Variants in CELF2 observed in about 807,000 individuals in gnomAD.
CELF2 encodes CUG triplet repeat RNA-binding protein 2.
In CELF2, 8 loss-of-function variants were observed where a neutral mutation model predicts 62.6. The ratio of observed to expected loss-of-function variants is 0.13; its 90% CI spans 0.07 to 0.23. The LOEUF (loss-of-function observed/expected upper bound fraction) is 0.23, where lower values mean the gene tolerates loss of function less well. CELF2 is among the 10% of genes least tolerant of loss of function. The pLI is 1.00. For missense variants in CELF2, 333 were observed against 671.0 expected (o/e 0.50, Z 5.56); for synonymous variants, 258 against 250.0 (o/e 1.03, Z -0.30).
intron 2 of CELF2, among the ~76,000 whole-genome samples, chr10:11,193,698 C>G (rs796509037): frequency 6.6e-6 from 1 of 152,110 alleles, no homozygotes; most frequent in South Asian, 2.1e-4. Flanking sequence ...ATATAGGTTT[C>G]GTAGTGAGAA....
chr10:10,962,664 T>G (rs1304828224), intron 2 of CELF2, among the ~76,000 whole-genome samples: 2 of 152,158 alleles, frequency 1.3e-5, no homozygotes, highest in African/African-American at 4.8e-5. Flanking sequence ...GTCTGAAGCT[T>G]CAGTGAGCCA....
the CELF2 span, among the ~76,000 whole-genome samples, chr10:10,581,741 T>C: frequency 6.6e-6 from 1 of 152,006 alleles, no homozygotes; most frequent in Non-Finnish European, 1.5e-5. Flanking sequence ...ATTAAAAGGG[T>C]CACATAGGCC....
chr10:10,875,597 C>G (rs2061034494), intron 1 of CELF2, among the ~76,000 whole-genome samples: 1 of 152,196 alleles, frequency 6.6e-6, no homozygotes, highest in South Asian at 2.1e-4. Flanking sequence ...CCTCTTCCCT[C>G]TTTCTTACTA....
chr10:10,821,634 C>T (rs1183269856), intron 1 of CELF2, among the ~76,000 whole-genome samples: 1 of 152,112 alleles, frequency 6.6e-6, no homozygotes, highest in African/African-American at 2.4e-5. Context: ...ACAGTTGCTG[C>T]AGGGGTTTCC....
At chr10:11,225,405 A>G (rs923983879) in intron 3 of CELF2, among the ~76,000 whole-genome samples, 8 of 152,264 alleles carry the variant, frequency 5.3e-5, no homozygotes, top group East Asian at 1.9e-4. Context: ...GCCCTTTCCA[A>G]TCTTGCAAAA....
intron 2 of CELF2, among the ~76,000 whole-genome samples, chr10:11,210,579 A>C (rs2061554735): frequency 6.6e-6 from 1 of 152,224 alleles, no homozygotes; most frequent in Non-Finnish European, 1.5e-5. Context: ...GTATCAGAAA[A>C]AGAATTAGCA....
At chr10:10,742,687 G>A in the CELF2 span, among the ~76,000 whole-genome samples, 4 of 151,722 alleles carry the variant, frequency 2.6e-5, no homozygotes, top group African/African-American at 9.7e-5. Context: ...ACTTGAAATT[G>A]TTAGAGATAA....
At chr10:10,539,918 C>T in the CELF2 span, among the ~76,000 whole-genome samples, 35 of 152,238 alleles carry the variant, frequency 2.3e-4, no homozygotes, top group African/African-American at 7.9e-4. Context: ...TTTCTTTTTC[C>T]CTTGGGTGCT....
chr10:10,702,882 C>A, the CELF2 span, among the ~76,000 whole-genome samples: 2 of 152,222 alleles, frequency 1.3e-5, no homozygotes, highest in South Asian at 2.1e-4. Context: ...TCGTGCCCAA[C>A]CCCTTTTTAA....
chr10:10,558,749 G>A, the CELF2 span, among the ~76,000 whole-genome samples: 2 of 151,988 alleles, frequency 1.3e-5, no homozygotes, highest in African/African-American at 2.4e-5. Flanking sequence ...CAACTTCTTC[G>A]TGGTTTAGTC....
intron 2 of CELF2, among the ~76,000 whole-genome samples, chr10:11,197,530 T>C (rs771936881): frequency 1.3e-5 from 2 of 152,244 alleles, no homozygotes; most frequent in Non-Finnish European, 2.9e-5. Context: ...GATTGCCTCA[T>C]ACCTCCAGTG....
chr10:11,068,939 C>G (rs560645653), intron 1 of CELF2, among the ~76,000 whole-genome samples: 1 of 152,250 alleles, frequency 6.6e-6, no homozygotes, highest in South Asian at 2.1e-4. Context: ...TTTTGTACAC[C>G]TAAGACACGT....
chr10:11,293,524 G>A (rs1210758403), intron 9 of CELF2, among the ~76,000 whole-genome samples: 3 of 152,154 alleles, frequency 2.0e-5, no homozygotes, highest in African/African-American at 7.2e-5. Context: ...AGGAGCTGTC[G>A]GGCTGCTTGA....
At chr10:10,917,529 C>G (rs1028743547) in intron 1 of CELF2, among the ~76,000 whole-genome samples, 1 of 151,834 alleles carries the variant, frequency 6.6e-6, no homozygotes, top group African/African-American at 2.4e-5. Flanking sequence ...TTAGTAGAGA[C>G]AGGGTCTCAC....
chr10:10,732,577 G>T, the CELF2 span, among the ~76,000 whole-genome samples: 1 of 146,374 alleles, frequency 6.8e-6, no homozygotes, highest in Admixed American at 6.9e-5. Context: ...AGGCTGGAGT[G>T]CAGTGGTACA....
intron 3 of CELF2, among the ~76,000 whole-genome samples, chr10:11,221,990 C>G (rs1425629455): frequency 6.6e-6 from 1 of 152,230 alleles, no homozygotes; most frequent in Non-Finnish European, 1.5e-5. Context: ...GAAATGGCCT[C>G]CTGGGACAAG....
chr10:11,254,411 G>A (rs1447632251), intron 4 of CELF2, among the ~76,000 whole-genome samples: 3 of 152,214 alleles, frequency 2.0e-5, no homozygotes, highest in Non-Finnish European at 4.4e-5. Flanking sequence ...GGATGATGGA[G>A]GTTTCCATTT....
At chr10:11,187,453 A>G (rs1466421130) in intron 2 of CELF2, among the ~76,000 whole-genome samples, 1 of 152,066 alleles carries the variant, frequency 6.6e-6, no homozygotes, top group Admixed American at 6.5e-5. Context: ...AGGTAGTCGG[A>G]TCATAATTTT....
chr10:11,197,497 T>A (rs2058265759), intron 2 of CELF2, among the ~76,000 whole-genome samples: 1 of 152,206 alleles, frequency 6.6e-6, no homozygotes, highest in South Asian at 2.1e-4. Context: ...TTCTGTACTC[T>A]CCAGAATACA....
Sources: gnomAD v4.1 joint callset for allele counts (sites outside exome capture counted in the v4.1 genomes callset) on GRCh38, gnomAD v4.1.1 for gene constraint, MANE v1.5 for transcripts, NCBI Gene and HGNC (gene_info 2026-07-23, HGNC 2026-07-21) for gene names.